The following NME7 variants were observed in gnomAD, a reference collection of about 807,000 sequenced individuals.
NME7 encodes the protein NME/NM23 family member 7.
NME7 carries 41 observed loss-of-function variants against 49.1 expected under a neutral mutation model. The ratio of observed to expected loss-of-function variants is 0.83; its 90% CI spans 0.65 to 1.08. The LOEUF (loss-of-function observed/expected upper bound fraction) is 1.08. NME7 is among the 50% of genes least tolerant of loss of function. The probability of loss-of-function intolerance (pLI) is 0.00; values close to 1 mark genes in which losing one functional copy is unlikely to be tolerated. For synonymous variants in NME7, 139 were observed against 150.6 expected (o/e 0.92, Z 0.56); for missense variants, 423 against 463.4 (o/e 0.91, Z 0.80).
At chr1:169,161,744 T>C (rs1287253597) in intron 11 of NME7, among the ~76,000 whole-genome samples, 1 of 152,168 alleles carries the variant, frequency 6.6e-6, no homozygotes, top group African/African-American at 2.4e-5. Flanking sequence ...AACCCCTTCC[T>C]GGCTAGGGAA....
chr1:169,345,019 A>G (rs1652906318), intron 1 of NME7, among the ~76,000 whole-genome samples: 1 of 152,210 alleles, frequency 6.6e-6, no homozygotes, highest in African/African-American at 2.4e-5. Context: ...TTTATTTAGT[A>G]TAACTCTATT....
intron 10 of NME7, among the ~76,000 whole-genome samples, chr1:169,199,426 T>G (rs937801789): frequency 6.7e-6 from 1 of 149,356 alleles, no homozygotes. Flanking sequence ...TGAACTTAGA[T>G]AGATAACAGA....
intron 1 of NME7, among the ~76,000 whole-genome samples, chr1:169,360,826 G>C (rs1333739474): frequency 2.0e-5 from 3 of 151,348 alleles, no homozygotes; most frequent in African/African-American, 7.3e-5. Context: ...CATCATATGA[G>C]GTCATCATTC....
chr1:169,211,367 A>C lies in NME7; in HGVS notation c.990+19351T>G, dbSNP rs528805816. 1.1e-4 allele frequency among the ~76,000 whole-genome samples: 17 copies of C among 152,256 alleles called. No homozygotes were observed. The South Asian group carries it at 3.5e-3, about 32-fold the overall frequency. On this transcript the variant is annotated intron_variant, in intron 10 of 11. Coordinates refer to ENST00000367811, the MANE Select transcript of NME7 (RefSeq NM_013330.5). ...ATAGTATAAAGTTCTTTTTGCCTTT[A>C]ATCCAATCAGTTAACGTTTCTCTGG... is the stretch of plus-strand genomic sequence containing the variant.
intron 5 of NME7, among the ~76,000 whole-genome samples, 166 bp from the exon 6 acceptor site, chr1:169,298,929 T>C (rs1312544121): frequency 6.6e-6 from 1 of 152,224 alleles, no homozygotes; most frequent in Non-Finnish European, 1.5e-5. Context: ...AAATTTTTCA[T>C]AAATTGAGTG....
intron 3 of NME7, chr1:169,322,140 CCTTGTTTT>C (rs376492720): frequency 3.0e-4 from 45 of 152,268 alleles, no homozygotes; most frequent in Admixed American, 1.0e-3. Context: ...CATCAAAAAT[CCTTGTTTT>C]CTTGTTTTCT....
intron 11 of NME7, among the ~76,000 whole-genome samples, chr1:169,150,218 CTGTA>C (rs1255566512): frequency 6.6e-6 from 1 of 151,994 alleles, no homozygotes; most frequent in Admixed American, 6.6e-5. Context: ...CTCTGTATGT[CTGTA>C]TGTGTGTGTG....
At chr1:169,223,386 AG>A (rs541425803) in intron 10 of NME7, among the ~76,000 whole-genome samples, 7 of 152,048 alleles carry the variant, frequency 4.6e-5, no homozygotes, top group Non-Finnish European at 8.8e-5. Flanking sequence ...TTTTGTGGGA[AG>A]GGATTTTGAA....
At position 169,234,321 on chromosome 1, in the gene NME7, C is replaced by T. The variant is rs1647766268; in HGVS notation, c.888+810G>A. Among the ~76,000 whole-genome samples the T allele has an allele frequency of 3.3e-5, 5 of 152,072 alleles. No individual in the cohort carries two copies. In the South Asian group the frequency reaches 1.0e-3, roughly 31 times the overall value. Reference sequence around the variant, plus strand: ...CAGGCAGTATGTTTTTTGTTCATCACTGATTATTTGGCTTATAGCAGATAC... The same window carrying T: ...CAGGCAGTATGTTTTTTGTTCATCATTGATTATTTGGCTTATAGCAGATAC... On this transcript the variant is annotated intron_variant, in intron 9 of 11. Transcript: ENST00000367811.
intron 7 of NME7, chr1:169,286,512 C>A (rs1473529929): frequency 6.6e-6 from 1 of 151,728 alleles, no homozygotes; most frequent in African/African-American, 2.4e-5. Flanking sequence ...GAAATTGAGA[C>A]AAAAATAAGA....
At chr1:169,196,924 GAAAATATTTT>G (rs1250580097) in intron 10 of NME7, among the ~76,000 whole-genome samples, 3 of 152,140 alleles carry the variant, frequency 2.0e-5, no homozygotes, top group African/African-American at 7.2e-5. Flanking sequence ...TATAATTAGA[GAAAATATTTT>G]ATATAATAAG....
chr1:169,345,923 T>G (rs902237243), intron 1 of NME7, among the ~76,000 whole-genome samples: 4 of 152,184 alleles, frequency 2.6e-5, no homozygotes, highest in African/African-American at 9.7e-5. Flanking sequence ...AACGCTATCC[T>G]TACCATTGCT....
Position 169,264,896 on chromosome 1 carries a change from T to C in NME7, c.754+22407A>G, listed in dbSNP as rs554676194. 3.4e-4 allele frequency among the ~76,000 whole-genome samples: 46 copies of C among 133,886 alleles called. 8 individuals are homozygous for C. Among genetic ancestry groups the C allele is most frequent in the Non-Finnish European group, 6.7e-4 (38 of 56,976 alleles). The allele number at this position is 133,886 out of a possible 152,430, so 87.8% of individuals were successfully genotyped here. On this transcript the variant is annotated intron_variant, in intron 7 of 11. Coordinates refer to ENST00000367811, the MANE Select transcript of NME7 (RefSeq NM_013330.5). Reference sequence around the variant, plus strand: ...TAATTTATAAAGGAAAGAAGTTTAATTGACTCACAGTTCAGCATGGCTAGG... The same window carrying C: ...TAATTTATAAAGGAAAGAAGTTTAACTGACTCACAGTTCAGCATGGCTAGG...
chr1:169,158,050 C>T (rs1338268132), intron 11 of NME7, among the ~76,000 whole-genome samples: 1 of 152,126 alleles, frequency 6.6e-6, no homozygotes, highest in African/African-American at 2.4e-5. Flanking sequence ...TTAAAAAAGT[C>T]TGGTGTGCCC....
At chr1:169,259,545 G>C (rs1240409649) in intron 7 of NME7, among the ~76,000 whole-genome samples, 1 of 133,600 alleles carries the variant, frequency 7.5e-6, no homozygotes, top group East Asian at 2.0e-4. Context: ...TTTTAAAATA[G>C]ACATTTGTCT....
chr1:169,274,731 T>C lies in NME7; in HGVS notation c.754+12572A>G, dbSNP rs368492911. On this transcript the variant is annotated intron_variant, in intron 7 of 11. Transcript: ENST00000367811. ...CCACTTATTAAATAGGGAATCCTTT[T>C]CCCATTGCTTGTTTTTCTCAGGTTT... 6.0e-5 allele frequency among the ~76,000 whole-genome samples: 8 copies of C among 133,820 alleles called. No homozygotes were observed. The East Asian group carries it at 1.0e-3, about 17-fold the overall frequency. 87.8% of individuals were successfully genotyped at this position (133,820 alleles called of 152,430 possible).
In NME7 at chr1:169,276,518, G is replaced by A. The variant is rs1444076683; in HGVS notation, c.754+10785C>T. Among the ~76,000 whole-genome samples the A allele has an allele frequency of 2.3e-5, 3 of 132,956 alleles. 1 individual carries two copies. The highest frequency in any genetic ancestry group is 1.5e-4 in the Admixed American group (2 of 13,474). The allele number at this position is 132,956 out of a possible 152,430, so 87.2% of individuals were successfully genotyped here. A position where few individuals can be genotyped will look rare whatever the true frequency, so the allele number is the denominator to read the frequency against. On this transcript the variant is annotated intron_variant, in intron 7 of 11. Coordinates refer to ENST00000367811, the MANE Select transcript of NME7 (RefSeq NM_013330.5). ...CTCTGATGGTAGTTTGTATTTCTGT[G>A]GGATCGGTGGTGATATCCCCTTTAT...
At chr1:169,198,536 A>G (rs1660453640) in intron 10 of NME7, among the ~76,000 whole-genome samples, 1 of 152,134 alleles carries the variant, frequency 6.6e-6, no homozygotes, top group South Asian at 2.1e-4. Context: ...ATAAAAAGGA[A>G]TAAAGTACTG....
intron 7 of NME7, among the ~76,000 whole-genome samples, chr1:169,245,320 C>A (rs1008113520): frequency 1.3e-5 from 2 of 152,092 alleles, no homozygotes; most frequent in African/African-American, 4.8e-5. Context: ...ACCCTACTCA[C>A]GAGCATGAGA....
Sources: allele counts gnomAD v4.1 joint callset (sites outside exome capture counted in the v4.1 genomes callset), GRCh38; gene constraint gnomAD v4.1.1; transcripts MANE v1.5; gene names NCBI Gene and HGNC (gene_info 2026-07-23, HGNC 2026-07-21).